The following SEMA4D variants were observed in gnomAD, a reference collection of about 807,000 sequenced individuals.
SEMA4D encodes semaphorin-4D.
Under a neutral mutation model 74.8 loss-of-function variants are expected in SEMA4D, and 22 were observed. The observed-to-expected ratio is 0.29, with a 90% CI of 0.21 to 0.42. SEMA4D has a LOEUF of 0.42. Ranked by LOEUF, SEMA4D falls within the 10% of genes least tolerant of loss-of-function variation. SEMA4D has a pLI of 1.00. For synonymous variants in SEMA4D, 445 were observed against 463.7 expected, an observed-to-expected ratio of 0.96 and a Z score of 0.52; for missense variants, 937 against 1,118.4, an observed-to-expected ratio of 0.84 and a Z score of 2.31.
chr9:89,378,866 T>C lies in SEMA4D; in HGVS notation c.2427A>G (p.Pro809=). 1.2e-6 allele frequency: 2 copies of C among 1,614,248 alleles called. No homozygotes were observed. The highest frequency in any genetic ancestry group is 1.7e-6 in the Non-Finnish European group (2 of 1,180,040). ...CGGTCTCATAGCCGGTGTCCAGGGC[T>C]GGCTTGGGGTGCTCCCCATTCTGCT... is the stretch of plus-strand genomic sequence containing the variant. ...FSQQNGEHPK[P]ALDTGYETEQ... Residue 809 remains proline, a synonymous_variant, in exon 16 of 16, where the codon CCA becomes CCG. Transcript: ENST00000422704.
At chr9:89,440,000 C>T (rs1173017875) in intron 2 of SEMA4D, among the ~76,000 whole-genome samples, 1 of 152,256 alleles carries the variant, frequency 6.6e-6, no homozygotes, top group African/African-American at 2.4e-5. Context: ...AAAGTGGACA[C>T]ACGTGCTGGG....
At chr9:89,465,628 C>T (rs1858490979) in intron 1 of SEMA4D, among the ~76,000 whole-genome samples, 1 of 152,068 alleles carries the variant, frequency 6.6e-6, no homozygotes, top group Admixed American at 6.5e-5. Flanking sequence ...TGAATTTCAC[C>T]TCAAGAAAAA....
intron 2 of SEMA4D, among the ~76,000 whole-genome samples, chr9:89,406,339 CTG>C (rs1168580026): frequency 6.6e-6 from 1 of 152,198 alleles, no homozygotes; most frequent in African/African-American, 2.4e-5. Context: ...TTAAAGAAGT[CTG>C]TGCACCATAG....
intron 13 of SEMA4D, among the ~76,000 whole-genome samples, chr9:89,383,759 T>A (rs1042919990): frequency 1.3e-5 from 2 of 152,212 alleles, no homozygotes; most frequent in African/African-American, 4.8e-5. Context: ...TTTAAAATTA[T>A]TTCAAGACAA....
chr9:89,463,137 T>C (rs1461530273), intron 1 of SEMA4D, among the ~76,000 whole-genome samples: 1 of 151,940 alleles, frequency 6.6e-6, no homozygotes, highest in African/African-American at 2.4e-5. Context: ...CTTCCAGGTT[T>C]CCAATGTGTT....
intron 13 of SEMA4D, among the ~76,000 whole-genome samples, chr9:89,383,558 G>A (rs757007178): frequency 6.6e-6 from 1 of 152,160 alleles, no homozygotes. Flanking sequence ...AGTGCAACCT[G>A]AGGTGCTGAG....
At chr9:89,467,269 A>G (rs1281412718) in intron 1 of SEMA4D, among the ~76,000 whole-genome samples, 2 of 152,124 alleles carry the variant, frequency 1.3e-5, no homozygotes, top group Non-Finnish European at 1.5e-5. Context: ...TACACCGTAG[A>G]ACCTGGATGA....
downstream of SEMA4D, among the ~76,000 whole-genome samples, chr9:89,375,310 T>A (rs1835641130): frequency 1.3e-5 from 2 of 152,282 alleles, no homozygotes; most frequent in Middle Eastern, 6.8e-3. Flanking sequence ...CATTCAGCTG[T>A]GAGAGCGGCC....
At chr9:89,438,910 C>A (rs1260323464) in intron 2 of SEMA4D, among the ~76,000 whole-genome samples, 7 of 147,506 alleles carry the variant, frequency 4.7e-5, no homozygotes, top group Non-Finnish European at 1.0e-4. Flanking sequence ...CGTGATCCAC[C>A]CGCCTCGGCC....
rs750808218 is a variant in SEMA4D, at chr9:89,378,665, C to T, written c.*39G>A. 89 of 1,515,534 alleles carry T rather than the reference C, an allele frequency of 5.9e-5. No individual in the cohort carries two copies. Among genetic ancestry groups the T allele is most frequent in the East Asian group, 1.1e-4 (5 of 44,322 alleles). The allele number at this position is 1,515,534 out of a possible 1,614,324, so 93.9% of individuals were successfully genotyped here. ...ACACAAAACTCTCCACGCCTGGACA[C>T]GTCGCAGCCGAGGCACCAGCGGGGA... On this transcript the variant is annotated 3_prime_UTR_variant, in exon 16 of 16. Transcript: ENST00000422704.
chr9:89,432,550 C>T (rs1435038054), intron 2 of SEMA4D, among the ~76,000 whole-genome samples: 5 of 152,208 alleles, frequency 3.3e-5, no homozygotes, highest in Admixed American at 2.0e-4. Context: ...CAGTGGGGCA[C>T]ACCCCGTGGG....
chr9:89,395,638 T>C (rs1235449817), intron 6 of SEMA4D, among the ~76,000 whole-genome samples: 1 of 152,148 alleles, frequency 6.6e-6, no homozygotes, highest in Non-Finnish European at 1.5e-5. Context: ...ACGACTGTCT[T>C]TGAGGACTGA....
chr9:89,384,486 A>G (rs1588196362), intron 13 of SEMA4D, among the ~76,000 whole-genome samples: 1 of 152,156 alleles, frequency 6.6e-6, no homozygotes, highest in Non-Finnish European at 1.5e-5. Flanking sequence ...GGAGGAGGGG[A>G]AAATGAAGAG....
At chr9:89,479,708 C>T (rs999242044) in intron 1 of SEMA4D, 23 of 160,496 alleles carry the variant, frequency 1.4e-4, no homozygotes, top group South Asian at 3.3e-4. Context: ...CTTAAGGCAG[C>T]GCGTCTGGAG....
chr9:89,466,020 G>C (rs1198799721), intron 1 of SEMA4D, among the ~76,000 whole-genome samples: 4 of 152,162 alleles, frequency 2.6e-5, no homozygotes. Context: ...GGGCTCACTG[G>C]AGCACTGGGG....
rs1833153442 is a variant in SEMA4D, at chr9:89,363,913, C to T, written c.1920G>A (p.Gly640=). ...CAGGGACACAGGTCTCCAGAGCTCG[C>T]CCATTCTTCTCCCAGACAAAGCGAA... Residue 640 remains glycine (G), a synonymous_variant, in exon 17 of 19, where the codon GGG becomes GGA. Coordinates refer to the SEMA4D transcript ENST00000339861. 7.4e-6 allele frequency: 12 copies of T among 1,614,072 alleles called. No individual in the cohort carries two copies. The East Asian group carries it at 2.7e-4, about 36-fold the overall frequency.
chr9:89,381,599 G>A lies in SEMA4D; in HGVS notation c.1447-253C>T, dbSNP rs1588172214. 3 of 392,662 alleles carry A rather than the reference G, an allele frequency of 7.6e-6. No individual in the cohort carries two copies. The highest frequency in any genetic ancestry group is 6.1e-5 in the African/African-American group (3 of 49,388). 24.3% of individuals were successfully genotyped at this position (392,662 alleles called of 1,614,324 possible). On this transcript the variant is annotated intron_variant, in intron 13 of 15. Transcript: ENST00000422704. This position sits in a 1 kb window ranked among gnomAD's most constrained non-coding sequence, Gnocchi z 4.6. ...CTCTCCCCTGTCTGGGCACCCACAG[G>A]TGCCTGCCCTCCAGCAAAGCGCTTC... is the stretch of plus-strand genomic sequence containing the variant.
At chr9:89,387,644 T>TG (rs768886350) in intron 11 of SEMA4D, 36 bp from the exon 12 acceptor site, 147 of 1,594,950 alleles carry the variant, frequency 9.2e-5, no homozygotes, top group Non-Finnish European at 1.2e-4. Flanking sequence ...AACGTGCTCG[T>TG]GTCCCACCAC....
At chr9:89,362,470 T>C (rs763792947) in intron 18 of SEMA4D, 2 of 1,613,992 alleles carry the variant, frequency 1.2e-6, no homozygotes, top group Middle Eastern at 1.7e-4. Context: ...GTGGAACGGA[T>C]GGGCCTTTCC....
Sources: allele counts gnomAD v4.1 joint callset (sites outside exome capture counted in the v4.1 genomes callset), GRCh38; gene constraint gnomAD v4.1.1; non-coding constraint Gnocchi (gnomAD v3.1); transcripts MANE v1.5; gene names NCBI Gene and HGNC (gene_info 2026-07-23, HGNC 2026-07-21).